Variants in CTR9 observed in about 807,000 individuals in gnomAD.
CTR9 encodes the protein CTR9 component of Paf1/RNA polymerase II complex.
In CTR9, 41 loss-of-function variants were observed where a neutral mutation model predicts 152.1. The ratio of observed to expected loss-of-function variants is 0.27; its 90% CI spans 0.21 to 0.35. The LOEUF is 0.35. CTR9 is among the 10% of genes least tolerant of loss of function. The probability of loss-of-function intolerance (pLI) is 1.00; values close to 1 mark genes in which losing one functional copy is unlikely to be tolerated. For synonymous variants in CTR9, 476 were observed against 496.2 expected (o/e 0.96, Z 0.54); for missense variants, 917 against 1,424.4 (o/e 0.64, Z 5.73).
At chr11:10,757,618 T>G (rs1862906536) in intron 5 of CTR9, among the ~76,000 whole-genome samples, 1 of 152,202 alleles carries the variant, frequency 6.6e-6, no homozygotes, top group African/African-American at 2.4e-5. Flanking sequence ...TAATATAATC[T>G]TTTTGCCCTA....
At position 10,771,038 on chromosome 11, in the gene CTR9, T is replaced by C. The variant is rs77546099; in HGVS notation, c.2372+406T>C. Among the ~76,000 whole-genome samples the C allele has an allele frequency of 5.2e-3, 792 of 152,356 alleles. 6 individuals carry two copies. Among genetic ancestry groups the C allele is most frequent in the African/African-American group, 0.018 (746 of 41,582 alleles). On this transcript the variant is annotated intron_variant, in intron 18 of 24. Coordinates refer to ENST00000361367, the MANE Select transcript of CTR9 (RefSeq NM_014633.5). ...ATGTGTCTTTTAATGGGATGTTGATTTTCATTGAACTAGGATTAAGGTTTT... is the reference window on the plus strand; with the variant it reads ...ATGTGTCTTTTAATGGGATGTTGATCTTCATTGAACTAGGATTAAGGTTTT...
chr11:10,770,688 C>G, intron 18 of CTR9, 56 bp downstream of exon 18: 3 of 1,468,452 alleles, frequency 2.0e-6, no homozygotes, highest in Non-Finnish European at 2.7e-6. Context: ...ATGACCATAC[C>G]ATCTTGAACT....
intron 5 of CTR9, 53 bp downstream of exon 5, chr11:10,756,891 C>A: frequency 8.9e-7 from 1 of 1,125,510 alleles, no homozygotes; most frequent in Non-Finnish European, 1.3e-6. Flanking sequence ...CAGCTTAAAG[C>A]ATTGAGGATT....
chr11:10,764,022 G>T, intron 9 of CTR9, 90 bp from the exon 10 acceptor site: 3 of 1,397,748 alleles, frequency 2.1e-6, no homozygotes, highest in African/African-American at 1.4e-5. Flanking sequence ...ACAAACAATG[G>T]ATTTATTAAA....
chr11:10,757,258 C>T (rs569999419), intron 5 of CTR9, among the ~76,000 whole-genome samples: 1 of 152,188 alleles, frequency 6.6e-6, no homozygotes, highest in South Asian at 2.1e-4. Flanking sequence ...GCATTCCAGC[C>T]TGGGCAACAG....
chr11:10,765,721 C>G (rs976247904), intron 12 of CTR9, among the ~76,000 whole-genome samples: 1 of 152,194 alleles, frequency 6.6e-6, no homozygotes, highest in African/African-American at 2.4e-5. Flanking sequence ...CATGGCCTCC[C>G]AAAGTGCTGG....
At chr11:10,761,632 A>G (rs1302506678) in intron 6 of CTR9, among the ~76,000 whole-genome samples, 1 of 152,118 alleles carries the variant, frequency 6.6e-6, no homozygotes, top group Non-Finnish European at 1.5e-5. Flanking sequence ...ATTAATATAA[A>G]TAAATAAAAA....
At chr11:10,776,091 A>C (rs12281412) in intron 24 of CTR9, among the ~76,000 whole-genome samples, 5,098 of 151,886 alleles carry the variant, frequency 0.034, 304 homozygotes, top group African/African-American at 0.12. Flanking sequence ...TTATTTATCT[A>C]TTTATCTATT....
Position 10,775,597 on chromosome 11 carries a change from C to T in CTR9, c.3059C>T (p.Ser1020Phe). The T allele has an allele frequency of 2.5e-6, 4 of 1,613,104 alleles. No individual in the cohort carries two copies. The highest frequency in any genetic ancestry group is 3.4e-6 in the Non-Finnish European group (4 of 1,179,304). ...GCCATAATTTCATCAAGTGATGACT[C>T]TTCGGATGAGGATAAACTTAAAATT... Reference protein sequence around the residue: ...SKAIISSSDDSSDEDKLKIAD... With the variant: ...SKAIISSSDDFSDEDKLKIAD... The change falls in exon 24 of 25, where the codon TCT (serine) becomes TTT (phenylalanine). Residue 1020 changes from serine to phenylalanine, a missense_variant. Coordinates refer to ENST00000361367, the MANE Select transcript of CTR9 (RefSeq NM_014633.5).
At chr11:10,772,264 A>G (rs1290508768) in intron 19 of CTR9, among the ~76,000 whole-genome samples, 8 of 152,110 alleles carry the variant, frequency 5.3e-5, no homozygotes, top group Non-Finnish European at 1.2e-4. Context: ...CTGAGGCAGG[A>G]TAATCACTTA....
intron 6 of CTR9, 33 bp downstream of exon 6, chr11:10,760,354 C>G: frequency 6.3e-7 from 1 of 1,596,024 alleles, no homozygotes; most frequent in Non-Finnish European, 8.6e-7. Flanking sequence ...TAGCTCCTAA[C>G]TGCTTTGTCA....
At chr11:10,763,938 T>C in intron 9 of CTR9, 59 bp downstream of exon 9, 1 of 1,399,094 alleles carries the variant, frequency 7.1e-7, no homozygotes. Flanking sequence ...AACTCCCATT[T>C]CTCATTTCCT....
At chr11:10,752,403 T>C (rs1332791591) in intron 1 of CTR9, among the ~76,000 whole-genome samples, 1 of 152,232 alleles carries the variant, frequency 6.6e-6, no homozygotes, top group Non-Finnish European at 1.5e-5. Context: ...TTGTTATTTT[T>C]TAGTAAGCAG....
chr11:10,773,220 A>T lies in CTR9; in HGVS notation c.2674A>T (p.Thr892Ser). 1 of 1,612,964 alleles carries T rather than the reference A, an allele frequency of 6.2e-7. No individual in the cohort carries two copies. The highest frequency in any genetic ancestry group is 1.1e-5 in the South Asian group (1 of 90,734). Residue 892 changes from threonine (T) to serine (S), a missense_variant, in exon 21 of 25, where the codon ACT (threonine) becomes TCT (serine). Thr to Ser is a moderately conservative substitution (Grantham distance 58). Transcript: ENST00000361367. ...VEKTKNILMF[T>S]GETEATKEKK... ...GAAGACCAAAAATATTCTTATGTTT[A>T]CTGGTGAGACTGAAGCAACAAAAGA...
chr11:10,772,598 G>A lies in CTR9; in HGVS notation c.2523G>A (p.Leu841=). 6.2e-7 allele frequency: 1 copy of A among 1,612,052 alleles called. No individual in the cohort carries two copies. The highest frequency in any genetic ancestry group is 8.5e-7 in the Non-Finnish European group (1 of 1,179,002). The change falls in exon 20 of 25, where the codon CTG becomes CTA. Residue 841 remains leucine (L), a synonymous_variant. Coordinates refer to ENST00000361367, the MANE Select transcript of CTR9 (RefSeq NM_014633.5). ...ARKQDEEERE[L]RAKQEQEKEL... ...AACAAGATGAAGAAGAGCGGGAGCT[G>A]CGGGCCAAGCAAGAGCAAGAAAAGG...
chr11:10,777,228 A>C (rs1013270112), intron 24 of CTR9, among the ~76,000 whole-genome samples: 2 of 151,826 alleles, frequency 1.3e-5, no homozygotes, highest in Admixed American at 6.6e-5. Flanking sequence ...GGTAATCTAT[A>C]AAGAACCAGA....
At chr11:10,775,097 A>G in intron 22 of CTR9, 110 bp from the exon 23 acceptor site, 1 of 803,526 alleles carries the variant, frequency 1.2e-6, no homozygotes, top group South Asian at 1.7e-5. Context: ...GATTGAGGAC[A>G]GCACCCATAT....
Position 10,764,104 on chromosome 11 carries a change from T to C in CTR9, c.1195-8T>C, listed in dbSNP as rs1564968119. On this transcript the variant is annotated splice_region_variant and splice_polypyrimidine_tract_variant and intron_variant, in intron 9 of 24. Transcript: ENST00000361367. ...AATACTTCAGCTTAACAATCTCTTTTATCCCAGGGCCATTTGAAGAAGGTC... is the reference window on the plus strand; with the variant it reads ...AATACTTCAGCTTAACAATCTCTTTCATCCCAGGGCCATTTGAAGAAGGTC... 1.2e-6 allele frequency: 2 copies of C among 1,613,800 alleles called. No homozygotes were observed. The highest frequency in any genetic ancestry group is 1.1e-5 in the South Asian group (1 of 91,078).
In CTR9 at chr11:10,778,948, G is replaced by C; in HGVS notation, c.3365G>C (p.Arg1122Pro). Residue 1122 changes from arginine (R) to proline (P), a missense_variant, in exon 25 of 25, where the codon CGC becomes CCC. Around this residue, in one of 9 missense-constraint regions of CTR9, gnomAD observed 384 missense variants for 398.4 expected, o/e 0.96. Transcript: ENST00000361367. ...SHSGVSENDS[R>P]PASPSAESDH... ...TCAGGAGTTTCTGAGAACGACTCTC[G>C]CCCAGCTTCTCCAAGTGCCGAATCA... 6.2e-7 allele frequency: 1 copy of C among 1,614,100 alleles called. No individual in the cohort carries two copies. The highest frequency in any genetic ancestry group is 8.5e-7 in the Non-Finnish European group (1 of 1,180,030).
Sources: allele counts gnomAD v4.1 joint callset (sites outside exome capture counted in the v4.1 genomes callset), GRCh38; gene constraint gnomAD v4.1.1; regional missense constraint gnomAD v4.1.1; transcripts MANE v1.5; gene names NCBI Gene and HGNC (gene_info 2026-07-23, HGNC 2026-07-21).